The following SATL1 variants were observed in gnomAD, a reference collection of about 807,000 sequenced individuals.
The protein encoded by SATL1 is spermidine/spermine N1-acetyl transferase like 1, also known as spermidine/spermine N(1)-acetyltransferase-like protein 1.
A neutral mutation model predicts 51.8 loss-of-function variants in SATL1; 47 were observed. The observed-to-expected ratio is 0.91, with a 90% CI of 0.72 to 1.16. SATL1 has a LOEUF of 1.16. SATL1 is among the 50% of genes most tolerant of loss of function. The pLI is 0.00. For synonymous variants in SATL1, 176 were observed against 182.4 expected (o/e 0.97, Z 0.28); for missense variants, 520 against 526.4 (o/e 0.99, Z 0.12).
chrX:85,149,957 C>T (rs1160914830), intron 2 of SATL1, among the ~76,000 whole-genome samples: 1 of 111,447 alleles, frequency 9.0e-6, no homozygotes, highest in African/African-American at 3.3e-5. Context: ...CAAGAAATAA[C>T]TAAAATCAGA....
At chrX:85,237,464 T>A (rs1928503030) in intron 1 of SATL1, among the ~76,000 whole-genome samples, 1 of 111,180 alleles carries the variant, frequency 9.0e-6, no homozygotes, top group Non-Finnish European at 1.9e-5. Context: ...TACACTGGAG[T>A]AAAGACAGTC....
At chrX:85,194,614 G>C (rs1192487479) in intron 2 of SATL1, among the ~76,000 whole-genome samples, 2 of 110,396 alleles carry the variant, frequency 1.8e-5, no homozygotes, top group African/African-American at 6.6e-5. Context: ...CAAAGACTTG[G>C]AACCAACCCA....
At chrX:85,183,482 T>C (rs1927251546) in intron 2 of SATL1, among the ~76,000 whole-genome samples, 1 of 111,506 alleles carries the variant, frequency 9.0e-6, no homozygotes, top group East Asian at 2.8e-4. Flanking sequence ...GGCTTTGTAG[T>C]ATATTTTGAA....
rs1437906300 is a variant in SATL1, at chrX:85,146,058, G to A, written c.-312-36778C>T. ...ACTACAGGCGCCCGCCACCACGCCC[G>A]GCAATTTTTTTGTACTTTTAGTAGA... On this transcript the variant is annotated intron_variant, in intron 2 of 7. Coordinates refer to ENST00000644105, the MANE Select transcript of SATL1 (RefSeq NM_001367857.2). Among the ~76,000 whole-genome samples the A allele has an allele frequency of 6.4e-5, 7 of 110,104 alleles. No homozygotes were observed. In the East Asian group the frequency reaches 1.2e-3, roughly 18 times the overall value.
At chrX:85,214,931 G>A (rs1928009760) in intron 2 of SATL1, among the ~76,000 whole-genome samples, 1 of 111,887 alleles carries the variant, frequency 8.9e-6, no homozygotes, top group Non-Finnish European at 1.9e-5. Context: ...TCTGCTAGGT[G>A]CACCCACGTG....
intron 2 of SATL1, among the ~76,000 whole-genome samples, chrX:85,135,656 C>T (rs746775134): frequency 2.8e-5 from 3 of 107,106 alleles, no homozygotes; most frequent in Admixed American, 9.9e-5. Flanking sequence ...ACTACTGCCT[C>T]GACCTCCCAG....
At chrX:85,218,946 TTAAA>T (rs1928114114) in intron 2 of SATL1, 2 of 112,319 alleles carry the variant, frequency 1.8e-5, no homozygotes, top group African/African-American at 6.5e-5. Context: ...CTGAGAGTGA[TTAAA>T]TAGATTTCTA....
rs375406080 is a variant in SATL1, at chrX:85,094,206, T to C, written c.1798A>G (p.Met600Val). 3 of 1,181,966 alleles carry C rather than the reference T, an allele frequency of 2.5e-6. No homozygotes were observed. The highest frequency in any genetic ancestry group is 3.4e-6 in the Non-Finnish European group (3 of 869,911). ...PSGKLTVGFA[M>V]YYFTYDSWTG... The stretch of plus-strand genomic sequence containing the variant: ...CATGAGTCGTATGTAAAGTAGTACA[T>C]GGCAAATCCAACAGTCAGTTTGCCT... The change falls in exon 6 of 8, where the codon ATG (methionine) becomes GTG (valine). Residue 600 changes from methionine (M) to valine (V), a missense_variant. By Grantham distance (21) the Met-to-Val change is conservative (BLOSUM62 1). This residue lies in a region of SATL1 where 488 missense variants were observed against 474.3 expected (regional missense o/e 1.03). Transcript: ENST00000644105.
intron 2 of SATL1, among the ~76,000 whole-genome samples, chrX:85,221,842 A>T (rs1928182977): frequency 8.9e-6 from 1 of 112,229 alleles, no homozygotes; most frequent in Non-Finnish European, 1.9e-5. Flanking sequence ...CCTGGGTGGT[A>T]GGACTTCTGT....
intron 2 of SATL1, among the ~76,000 whole-genome samples, chrX:85,129,693 A>C (rs1925727493): frequency 9.0e-6 from 1 of 111,458 alleles, no homozygotes; most frequent in African/African-American, 3.3e-5. Flanking sequence ...GTTGAATAGG[A>C]GTCGTGAGAG....
chrX:85,237,445 C>A (rs1928502749), intron 1 of SATL1, among the ~76,000 whole-genome samples: 1 of 111,251 alleles, frequency 9.0e-6, no homozygotes, highest in Non-Finnish European at 1.9e-5. Context: ...AACAAAGGTG[C>A]CAAGAACATA....
At position 85,129,453 on chromosome X, in the gene SATL1, T is replaced by C. The variant is rs1286001217; in HGVS notation, c.-312-20173A>G. On this transcript the variant is annotated intron_variant, in intron 2 of 7. Coordinates refer to ENST00000644105, the MANE Select transcript of SATL1 (RefSeq NM_001367857.2). ...CATGATTTGGCTCTCTGTTTGTCTG[T>C]TATTGGTGTATAAGAATGCTTGTGA... Among the ~76,000 whole-genome samples the C allele has an allele frequency of 3.6e-5, 4 of 111,812 alleles. No individual in the cohort carries two copies. In the East Asian group the frequency reaches 8.4e-4, roughly 23 times the overall value.
intron 2 of SATL1, among the ~76,000 whole-genome samples, chrX:85,118,035 C>T (rs907158441): frequency 3.7e-4 from 36 of 98,486 alleles, no homozygotes; most frequent in Non-Finnish European, 1.2e-4. Context: ...GGGGGCTAGT[C>T]TGGGATAGGG....
intron 1 of SATL1, among the ~76,000 whole-genome samples, chrX:85,238,439 T>G (rs747570749): frequency 1.3e-3 from 142 of 111,636 alleles, no homozygotes; most frequent in African/African-American, 4.4e-3. Flanking sequence ...GGTCATTATG[T>G]TAAGTGAAAT....
intron 6 of SATL1, 52 bp downstream of exon 6, chrX:85,094,076 T>C: frequency 1.5e-6 from 1 of 658,404 alleles, no homozygotes; most frequent in Non-Finnish European, 2.5e-6. Context: ...TTAAAATATG[T>C]CACTTTAATT....
At chrX:85,139,291 G>A (rs1926049362) in intron 2 of SATL1, among the ~76,000 whole-genome samples, 3 of 111,420 alleles carry the variant, frequency 2.7e-5, no homozygotes, top group Non-Finnish European at 5.7e-5. Flanking sequence ...ATGTATATAT[G>A]TATATGTATT....
At chrX:85,226,609 T>G (rs5922156) in intron 1 of SATL1, among the ~76,000 whole-genome samples, 50,709 of 110,032 alleles carry the variant, frequency 0.46, 10,191 homozygotes, top group South Asian at 0.64. Context: ...ATACTACTCA[T>G]TACTTGAGGA....
At position 85,092,846 on chromosome X, in the gene SATL1, CAAG is replaced by C. The variant is rs760829504; in HGVS notation, c.1918-288_1918-286del. The C allele has an allele frequency of 4.6e-4, 149 of 324,336 alleles. 1 individual carries two copies. Among genetic ancestry groups the C allele is most frequent in the Non-Finnish European group, 6.2e-4 (117 of 188,011 alleles). The allele number at this position is 324,336 out of a possible 1,213,427, so 26.7% of individuals were successfully genotyped here. ...CATGTTCTCATATGTTTCCAAAATA[CAAG>C]AAGATCTTGCTTTTATAGTCTTGTA... On this transcript the variant is annotated intron_variant, in intron 7 of 7. Coordinates refer to ENST00000644105, the MANE Select transcript of SATL1 (RefSeq NM_001367857.2).
At chrX:85,180,450 G>A (rs1365304406) in intron 2 of SATL1, among the ~76,000 whole-genome samples, 1 of 111,208 alleles carries the variant, frequency 9.0e-6, no homozygotes, top group Non-Finnish European at 1.9e-5. Context: ...CACATGTACA[G>A]TATGTAACTG....
Sources: gnomAD v4.1 joint callset for allele counts (sites outside exome capture counted in the v4.1 genomes callset) on GRCh38, gnomAD v4.1.1 for gene constraint, gnomAD v4.1.1 regional missense constraint, MANE v1.5 for transcripts, NCBI Gene and HGNC (gene_info 2026-07-23, HGNC 2026-07-21) for gene names.